Variants in L3MBTL4 observed in about 807,000 individuals in gnomAD.
The protein encoded by L3MBTL4 is lethal(3)malignant brain tumor-like protein 4.
L3MBTL4 carries 70 observed loss-of-function variants against 84.5 expected under a neutral mutation model. The observed-to-expected ratio is 0.83, with a 90% confidence interval of 0.68 to 1.01. The LOEUF is 1.01. Among genes scored for constraint, L3MBTL4 ranks in the 50% least tolerant of loss-of-function variants. The pLI, the probability that L3MBTL4 is intolerant of heterozygous loss-of-function variation, is 0.00. For missense variants in L3MBTL4, 715 were observed against 754.8 expected (o/e 0.95, Z 0.62); for synonymous variants, 274 against 259.8 (o/e 1.05, Z -0.52).
intron 12 of L3MBTL4, among the ~76,000 whole-genome samples, chr18:6,190,841 G>A (rs2045045438): frequency 1.3e-5 from 2 of 152,148 alleles, no homozygotes; most frequent in South Asian, 4.1e-4. Flanking sequence ...AGAGGTGTGG[G>A]GGTTAGAGAT....
intron 10 of L3MBTL4, among the ~76,000 whole-genome samples, chr18:6,217,295 T>G (rs1450762154): frequency 6.6e-6 from 1 of 152,098 alleles, no homozygotes; most frequent in East Asian, 1.9e-4. Context: ...CATACCACCC[T>G]CCTCAAAGAG....
At chr18:6,370,557 A>G (rs988921527) in intron 1 of L3MBTL4, among the ~76,000 whole-genome samples, 1 of 152,182 alleles carries the variant, frequency 6.6e-6, no homozygotes, top group Non-Finnish European at 1.5e-5. Flanking sequence ...AGCACACATG[A>G]GGGTACAGCA....
intron 4 of L3MBTL4, 141 bp downstream of exon 4, chr18:6,301,762 G>A: frequency 1.4e-6 from 1 of 692,274 alleles, no homozygotes; most frequent in Non-Finnish European, 2.6e-6. Context: ...CTGCAGAAGA[G>A]TATGCAATAC....
At chr18:6,131,640 T>C (rs2144535320) in intron 14 of L3MBTL4, among the ~76,000 whole-genome samples, 1 of 152,300 alleles carries the variant, frequency 6.6e-6, no homozygotes, top group East Asian at 1.9e-4. Flanking sequence ...ACAGCAAAGA[T>C]TTAAAAATTT....
intron 10 of L3MBTL4, among the ~76,000 whole-genome samples, chr18:6,228,182 T>C (rs1030392110): frequency 2.0e-5 from 3 of 152,182 alleles, no homozygotes; most frequent in Non-Finnish European, 4.4e-5. Flanking sequence ...CAAATAGCGT[T>C]TTCCACAAAT....
At chr18:6,021,978 T>C (rs1465277385) in intron 16 of L3MBTL4, among the ~76,000 whole-genome samples, 1 of 152,198 alleles carries the variant, frequency 6.6e-6, no homozygotes, top group African/African-American at 2.4e-5. Flanking sequence ...CTACCAGGCA[T>C]CTTCTGCCAC....
chr18:6,302,412 T>C (rs1425059689), intron 3 of L3MBTL4, among the ~76,000 whole-genome samples: 1 of 152,196 alleles, frequency 6.6e-6, no homozygotes, highest in Non-Finnish European at 1.5e-5. Context: ...CTTCATAGAA[T>C]GGACAAGCGA....
chr18:6,188,199 C>T (rs1391861698), intron 12 of L3MBTL4, among the ~76,000 whole-genome samples: 1 of 151,630 alleles, frequency 6.6e-6, no homozygotes, highest in Non-Finnish European at 1.5e-5. Flanking sequence ...ACCCCACCAA[C>T]CTCCACACAG....
intron 16 of L3MBTL4, among the ~76,000 whole-genome samples, chr18:6,003,117 TATAAAATATA>T (rs1329013466): frequency 5.0e-4 from 51 of 101,684 alleles, no homozygotes; most frequent in African/African-American, 1.9e-3. Context: ...AGAGATACTA[TATAAAATATA>T]GTATCTCTAT....
At chr18:6,239,203 T>C (rs888704472) in intron 9 of L3MBTL4, among the ~76,000 whole-genome samples, 2 of 150,986 alleles carry the variant, frequency 1.3e-5, no homozygotes, top group African/African-American at 2.4e-5. Context: ...TAGCCGGGCG[T>C]AGTGGCGGGC....
At chr18:6,260,663 T>C (rs995844581) in intron 5 of L3MBTL4, 1 of 152,216 alleles carries the variant, frequency 6.6e-6, no homozygotes, top group Non-Finnish European at 1.5e-5. Flanking sequence ...AATTCATTTA[T>C]CAGTCCCAGG....
chr18:6,177,587 G>T (rs2044280487), intron 12 of L3MBTL4, among the ~76,000 whole-genome samples: 1 of 152,192 alleles, frequency 6.6e-6, no homozygotes. Context: ...CATGAAATCT[G>T]TACATCTTAT....
At chr18:6,369,872 G>A (rs2054085462) in intron 1 of L3MBTL4, among the ~76,000 whole-genome samples, 2 of 152,100 alleles carry the variant, frequency 1.3e-5, no homozygotes, top group Non-Finnish European at 2.9e-5. Context: ...AGTGGCTCAC[G>A]CCTATAATCC....
chr18:6,026,897 C>T (rs1164967758), intron 16 of L3MBTL4, among the ~76,000 whole-genome samples: 1 of 151,872 alleles, frequency 6.6e-6, no homozygotes, highest in Admixed American at 6.6e-5. Flanking sequence ...TAATTTATTG[C>T]CTTAATTTTC....
At chr18:6,321,690 A>G (rs979565747) in intron 1 of L3MBTL4, among the ~76,000 whole-genome samples, 1 of 152,228 alleles carries the variant, frequency 6.6e-6, no homozygotes, top group African/African-American at 2.4e-5. Flanking sequence ...AATGTGGTAT[A>G]TATACACCAT....
intron 13 of L3MBTL4, among the ~76,000 whole-genome samples, chr18:6,159,325 G>A (rs1377781155): frequency 6.6e-6 from 1 of 152,160 alleles, no homozygotes; most frequent in Non-Finnish European, 1.5e-5. Flanking sequence ...GCAGGGTTTA[G>A]GCAAGTAAGA....
chr18:6,062,829 ATT>A (rs35283365), intron 16 of L3MBTL4, among the ~76,000 whole-genome samples: 4,250 of 133,922 alleles, frequency 0.032, 173 homozygotes, highest in African/African-American at 0.1. Flanking sequence ...AGCATTTCCA[ATT>A]TTTTTTTTTT....
At chr18:6,137,178 G>A (rs947270778) in intron 14 of L3MBTL4, among the ~76,000 whole-genome samples, 7 of 152,148 alleles carry the variant, frequency 4.6e-5, no homozygotes, top group African/African-American at 1.7e-4. Flanking sequence ...CATCTCCTCC[G>A]GGTCCAGCTC....
intron 12 of L3MBTL4, among the ~76,000 whole-genome samples, chr18:6,177,145 G>A (rs2044259287): frequency 6.6e-6 from 1 of 152,180 alleles, no homozygotes; most frequent in African/African-American, 2.4e-5. Context: ...CAAAAGTGAT[G>A]AAAATATAAA....
Sources: allele counts gnomAD v4.1 joint callset (sites outside exome capture counted in the v4.1 genomes callset), GRCh38; gene constraint gnomAD v4.1.1; transcripts MANE v1.5; gene names NCBI Gene and HGNC (gene_info 2026-07-23, HGNC 2026-07-21).